Variants in BACE2 observed in about 807,000 individuals in gnomAD.
The protein encoded by BACE2 is beta-secretase 2.
A neutral mutation model predicts 46.2 loss-of-function variants in BACE2; 17 were observed. The ratio of observed to expected loss-of-function variants is 0.37; its 90% CI spans 0.25 to 0.55. The LOEUF (loss-of-function observed/expected upper bound fraction) is 0.55. Among genes scored for constraint, BACE2 ranks in the 20% least tolerant of loss-of-function variants. The probability of loss-of-function intolerance (pLI) is 0.82; values close to 1 mark genes in which losing one functional copy is unlikely to be tolerated. For missense variants in BACE2, 595 were observed against 698.1 expected, an observed-to-expected ratio of 0.85 and a Z score of 1.66; for synonymous variants, 277 against 295.9, an observed-to-expected ratio of 0.94 and a Z score of 0.66.
chr21:41,276,141 C>G lies in BACE2; in HGVS notation c.*517C>G, dbSNP rs768008690. The stretch of plus-strand genomic sequence containing the variant: ...ATCAGCCTGGGGCCTGGGGATGTAA[C>G]CAAGCTGTACCCTTGAGACCTGGAA... On this transcript the variant is annotated 3_prime_UTR_variant, in exon 9 of 9. Coordinates refer to ENST00000330333, the MANE Select transcript of BACE2 (RefSeq NM_012105.5). 6.4e-6 allele frequency: 1 copy of G among 157,322 alleles called. No individual in the cohort carries two copies. Among genetic ancestry groups the G allele is most frequent in the Non-Finnish European group, 1.4e-5 (1 of 70,940 alleles). The allele number at this position is 157,322 out of a possible 1,614,324, so 9.7% of individuals were successfully genotyped here.
chr21:41,221,827 CA>C (rs58502168), intron 1 of BACE2, among the ~76,000 whole-genome samples: 148 of 98,722 alleles, frequency 1.5e-3, no homozygotes, highest in East Asian at 9.3e-3. Context: ...GACTCTGTCT[CA>C]AAAAAAAAAA....
At chr21:41,246,899 G>T (rs1987485413) in intron 6 of BACE2, among the ~76,000 whole-genome samples, 1 of 152,188 alleles carries the variant, frequency 6.6e-6, no homozygotes, top group Admixed American at 6.5e-5. Context: ...TGGGTCAAAT[G>T]CTTGGTGTTT....
chr21:41,273,839 A>T (rs1313268297), intron 8 of BACE2, among the ~76,000 whole-genome samples: 1 of 152,242 alleles, frequency 6.6e-6, no homozygotes, highest in Non-Finnish European at 1.5e-5. Flanking sequence ...AAGAAATTAT[A>T]AAAGTACTAA....
chr21:41,258,686 T>C (rs1234313897), intron 8 of BACE2, among the ~76,000 whole-genome samples: 1 of 152,192 alleles, frequency 6.6e-6, no homozygotes, highest in Non-Finnish European at 1.5e-5. Context: ...CAGTGGACTA[T>C]TAGGCCAATT....
chr21:41,275,615 C>T lies in BACE2; in HGVS notation c.1548C>T (p.Arg516=). The change falls in exon 9 of 9, where the codon CGC becomes CGT. Residue 516 remains arginine, a synonymous_variant. Transcript: ENST00000330333. ...VNDESSLVRH[R]WK Reference sequence around the variant, plus strand: ...ATGAGTCCTCTCTGGTCAGACATCGCTGGAAATGAATAGCCAGGCCTGACC... The same window carrying T: ...ATGAGTCCTCTCTGGTCAGACATCGTTGGAAATGAATAGCCAGGCCTGACC... 6.2e-7 allele frequency: 1 copy of T among 1,613,904 alleles called. No individual in the cohort carries two copies. The highest frequency in any genetic ancestry group is 8.5e-7 in the Non-Finnish European group (1 of 1,179,962).
intron 1 of BACE2, among the ~76,000 whole-genome samples, chr21:41,221,639 C>T (rs1367290865): frequency 6.6e-6 from 1 of 152,008 alleles, no homozygotes; most frequent in Non-Finnish European, 1.5e-5. Context: ...TCCTGGCTAA[C>T]ACGGTGAAAC....
intron 8 of BACE2, among the ~76,000 whole-genome samples, chr21:41,273,105 G>A (rs148821568): frequency 3.4e-3 from 525 of 152,344 alleles, no homozygotes; most frequent in Non-Finnish European, 5.8e-3. Flanking sequence ...AGGGGAGGGA[G>A]TGTACGAATA....
chr21:41,174,139 CTT>C (rs1328562900), intron 1 of BACE2, among the ~76,000 whole-genome samples: 3 of 48,494 alleles, frequency 6.2e-5, no homozygotes, highest in Middle Eastern at 0.024. Context: ...GATCAGTGGC[CTT>C]TTTTTTTTTT....
chr21:41,237,810 AG>A, intron 3 of BACE2, 81 bp downstream of exon 3: 1 of 1,171,280 alleles, frequency 8.5e-7, no homozygotes, highest in Non-Finnish European at 1.3e-6. Flanking sequence ...CTGACACATG[AG>A]TCTTGGGCTG....
chr21:41,221,277 C>G (rs1986638464), intron 1 of BACE2, among the ~76,000 whole-genome samples: 2 of 152,160 alleles, frequency 1.3e-5, no homozygotes, highest in African/African-American at 4.8e-5. Context: ...GACTGTCGTT[C>G]ATTCCTCTCC....
intron 8 of BACE2, among the ~76,000 whole-genome samples, chr21:41,263,812 T>C (rs756710142): frequency 2.6e-5 from 4 of 152,240 alleles, no homozygotes; most frequent in Non-Finnish European, 5.9e-5. Flanking sequence ...TTCACCATGA[T>C]GTGTCTAGGT....
chr21:41,250,180 CAAG>C (rs1234141931), intron 6 of BACE2, among the ~76,000 whole-genome samples: 4 of 152,102 alleles, frequency 2.6e-5, no homozygotes, highest in African/African-American at 9.7e-5. Context: ...TCTAGTGTTA[CAAG>C]AAGAAGCCAG....
intron 1 of BACE2, chr21:41,184,592 G>C (rs77922633): frequency 0.067 from 11,147 of 167,128 alleles, 460 homozygotes; most frequent in Middle Eastern, 0.2. Context: ...CCCCACTCCT[G>C]GTGTACTGGT....
intron 1 of BACE2, among the ~76,000 whole-genome samples, chr21:41,198,303 A>AT (rs1985812189): frequency 6.6e-6 from 1 of 152,078 alleles, no homozygotes. Context: ...CAAAATATAT[A>AT]TTTTTTGATG....
At chr21:41,241,634 C>A (rs1987290361) in intron 3 of BACE2, 185 bp from the exon 4 acceptor site, 2 of 591,832 alleles carry the variant, frequency 3.4e-6, no homozygotes, top group East Asian at 6.0e-5. Context: ...GAATGCCAAC[C>A]AGTGGGAAGC....
Position 41,243,394 on chromosome 21 carries a change from C to G in BACE2, c.766C>G (p.Pro256Ala). 6.2e-7 allele frequency: 1 copy of G among 1,602,776 alleles called. No homozygotes were observed. Among genetic ancestry groups the G allele is most frequent in the Non-Finnish European group, 8.5e-7 (1 of 1,175,430 alleles). ...GGSLVLGGIEPSLYKGDIWYT... is the reference protein window; with the variant it reads ...GGSLVLGGIEASLYKGDIWYT... ...GTCCCAGGTCTTGGGTGGAATTGAA[C>G]CAAGTTTGTATAAAGGAGACATCTG... Residue 256 changes from proline (P) to alanine (A), a missense_variant, in exon 5 of 9, where the codon CCA becomes GCA. By Grantham distance (27) the Pro-to-Ala change is conservative (BLOSUM62 -1). Coordinates refer to ENST00000330333, the MANE Select transcript of BACE2 (RefSeq NM_012105.5).
chr21:41,243,548 A>C, intron 5 of BACE2, 38 bp downstream of exon 5: 6 of 1,570,822 alleles, frequency 3.8e-6, no homozygotes, highest in Non-Finnish European at 5.2e-6. Flanking sequence ...CTTTCTGTGT[A>C]TGTCTGGGTC....
intron 8 of BACE2, among the ~76,000 whole-genome samples, chr21:41,269,425 G>A (rs907199727): frequency 5.3e-5 from 8 of 152,070 alleles, no homozygotes; most frequent in East Asian, 1.9e-4. Flanking sequence ...ATATGTGTGC[G>A]CACCTTGAAA....
chr21:41,275,074 G>T (rs930476689), intron 8 of BACE2, among the ~76,000 whole-genome samples: 1 of 152,132 alleles, frequency 6.6e-6, no homozygotes, highest in Non-Finnish European at 1.5e-5. Flanking sequence ...CCGCAGTGTC[G>T]CTGGCATTCC....
Sources: gnomAD v4.1 joint callset for allele counts (sites outside exome capture counted in the v4.1 genomes callset) on GRCh38, gnomAD v4.1.1 for gene constraint, MANE v1.5 for transcripts, NCBI Gene and HGNC (gene_info 2026-07-23, HGNC 2026-07-21) for gene names.